The following CCDC178 variants were observed in gnomAD, a reference collection of about 807,000 sequenced individuals.
CCDC178 encodes the protein coiled-coil domain-containing protein 178.
In CCDC178, 126 loss-of-function variants were observed where a neutral mutation model predicts 117.4. That is an observed-to-expected ratio of 1.07 (90% CI 0.93 to 1.24). The LOEUF (loss-of-function observed/expected upper bound fraction) is 1.24. CCDC178 is among the 50% of genes most tolerant of loss of function. The pLI, the probability that CCDC178 is intolerant of heterozygous loss-of-function variation, is 0.00. For synonymous variants in CCDC178, 283 were observed against 313.4 expected, an observed-to-expected ratio of 0.90 and a Z score of 1.02; for missense variants, 1,030 against 986.9, an observed-to-expected ratio of 1.04 and a Z score of -0.59.
intron 14 of CCDC178, among the ~76,000 whole-genome samples, chr18:33,257,719 T>C (rs1470919319): frequency 6.6e-6 from 1 of 152,090 alleles, no homozygotes; most frequent in Non-Finnish European, 1.5e-5. Context: ...ATTACTTCTC[T>C]GCCTACACTC....
chr18:33,342,820 T>C (rs2062833539), intron 9 of CCDC178, among the ~76,000 whole-genome samples: 1 of 152,206 alleles, frequency 6.6e-6, no homozygotes, highest in African/African-American at 2.4e-5. Context: ...AGCACAATTG[T>C]AGTAATAACT....
chr18:33,185,771 GGGCTTTTTGTATGAA>G (rs1465399786), intron 20 of CCDC178, among the ~76,000 whole-genome samples: 1 of 151,916 alleles, frequency 6.6e-6, no homozygotes, highest in East Asian at 1.9e-4. Flanking sequence ...GAGAAAACCT[GGGCTTTTTGTATGAA>G]GGTTAAAGAA....
chr18:32,983,437 A>G (rs1400189327), intron 21 of CCDC178: 2 of 753,988 alleles, frequency 2.7e-6, no homozygotes, highest in East Asian at 2.7e-5. Flanking sequence ...TCAAACAAAT[A>G]GTACAACTGT....
At chr18:33,131,928 A>C (rs2058071966) in intron 20 of CCDC178, among the ~76,000 whole-genome samples, 1 of 151,388 alleles carries the variant, frequency 6.6e-6, no homozygotes, top group Non-Finnish European at 1.5e-5. Context: ...AAAATACTTC[A>C]CCTTTTCTTT....
chr18:33,073,535 C>CTATA (rs1459596199), intron 21 of CCDC178, among the ~76,000 whole-genome samples: 6 of 149,426 alleles, frequency 4.0e-5, no homozygotes, highest in African/African-American at 1.5e-4. Context: ...ATCTATCTAT[C>CTATA]TATCTATCTA....
At chr18:33,065,696 G>A (rs373406410) in intron 21 of CCDC178, among the ~76,000 whole-genome samples, 3 of 152,058 alleles carry the variant, frequency 2.0e-5, no homozygotes, top group African/African-American at 7.2e-5. Flanking sequence ...CAAGAGAAAA[G>A]CAGCAAGTTA....
Position 33,356,319 on chromosome 18 carries a change from CT to C in CCDC178, c.371+4del. 1 of 1,478,752 alleles carries C rather than the reference CT, an allele frequency of 6.8e-7. No homozygotes were observed. The highest frequency in any genetic ancestry group is 2.4e-5 in the East Asian group (1 of 40,824). The allele number at this position is 1,478,752 out of a possible 1,614,324, so 91.6% of individuals were successfully genotyped here. ...ATAGTTTTAAAAAGCATGAAATTTT[CT>C]TACCATTCTTCAAAAGAAGTTTCAA... On this transcript the variant is annotated splice_donor_region_variant and intron_variant, in intron 7 of 22. Transcript: ENST00000383096.
At chr18:33,354,645 C>G (rs1425848346) in intron 7 of CCDC178, among the ~76,000 whole-genome samples, 3 of 146,900 alleles carry the variant, frequency 2.0e-5, no homozygotes, top group Non-Finnish European at 4.5e-5. Flanking sequence ...GAGTCTCACT[C>G]TGTCGCCCAG....
intron 20 of CCDC178, among the ~76,000 whole-genome samples, chr18:33,121,377 A>G (rs897039427): frequency 2.0e-5 from 3 of 152,096 alleles, no homozygotes; most frequent in Non-Finnish European, 2.9e-5. Context: ...TGCCTTACAA[A>G]TTTCAGACTT....
intron 8 of CCDC178, 108 bp from the exon 9 acceptor site, chr18:33,346,519 G>T: frequency 2.2e-6 from 1 of 465,060 alleles, no homozygotes; most frequent in Non-Finnish European, 3.5e-6. Flanking sequence ...TATTTAATAA[G>T]AGAATGTTAG....
intron 5 of CCDC178, among the ~76,000 whole-genome samples, chr18:33,387,753 A>C (rs1451364009): frequency 1.3e-5 from 2 of 152,194 alleles, no homozygotes; most frequent in Non-Finnish European, 2.9e-5. Context: ...AAAACTATAA[A>C]AACTCTAGAA....
chr18:33,355,030 T>C (rs1365347843), intron 7 of CCDC178, among the ~76,000 whole-genome samples: 2 of 152,224 alleles, frequency 1.3e-5, no homozygotes, highest in African/African-American at 4.8e-5. Context: ...TCTTTGAAGA[T>C]ATTTAAGTCA....
intron 2 of CCDC178, among the ~76,000 whole-genome samples, chr18:33,437,213 A>C (rs2144990941): frequency 6.6e-6 from 1 of 152,296 alleles, no homozygotes; most frequent in Non-Finnish European, 1.5e-5. Context: ...GATAGTTTTT[A>C]CCTCAAGGAA....
chr18:32,982,743 T>C (rs2055178045), intron 21 of CCDC178, among the ~76,000 whole-genome samples: 1 of 152,114 alleles, frequency 6.6e-6, no homozygotes, highest in Admixed American at 6.5e-5. Context: ...TAAACAATCT[T>C]TATCAATACA....
chr18:33,369,047 C>A (rs2063260107), intron 6 of CCDC178, among the ~76,000 whole-genome samples: 1 of 151,746 alleles, frequency 6.6e-6, no homozygotes, highest in African/African-American at 2.4e-5. Context: ...TATTTCCTTG[C>A]CATAGTCTTC....
intron 20 of CCDC178, among the ~76,000 whole-genome samples, chr18:33,146,395 A>G (rs2058268159): frequency 6.6e-6 from 1 of 152,202 alleles, no homozygotes; most frequent in African/African-American, 2.4e-5. Flanking sequence ...TTCCTTGCAT[A>G]TTTTAAAACC....
At chr18:33,363,207 A>T in intron 6 of CCDC178, among the ~76,000 whole-genome samples, 1 of 152,032 alleles carries the variant, frequency 6.6e-6, no homozygotes, top group East Asian at 1.9e-4. Context: ...AAAGCAAAAG[A>T]ATATGGCTGG....
At position 33,160,974 on chromosome 18, in the gene CCDC178, C is replaced by G. The variant is rs2058454970; in HGVS notation, c.2238+50922G>C. Among the ~76,000 whole-genome samples the G allele has an allele frequency of 1.3e-5, 2 of 152,112 alleles. 1 individual carries two copies. The highest frequency in any genetic ancestry group is 4.2e-4 in the South Asian group (2 of 4,816). ...TAGGAAAGAGAATGGCAACAATGTC[C>G]CCAAAATATGTAACTTTGGAAAATC... On this transcript the variant is annotated intron_variant, in intron 20 of 22. Transcript: ENST00000383096.
chr18:33,281,078 T>G (rs552120167), intron 12 of CCDC178, among the ~76,000 whole-genome samples: 3 of 139,382 alleles, frequency 2.2e-5, no homozygotes, highest in Non-Finnish European at 4.6e-5. Flanking sequence ...ATTGTGCACA[T>G]GTACCTTAAA....
Sources: allele counts gnomAD v4.1 joint callset (sites outside exome capture counted in the v4.1 genomes callset), GRCh38; gene constraint gnomAD v4.1.1; transcripts MANE v1.5; gene names NCBI Gene and HGNC (gene_info 2026-07-23, HGNC 2026-07-21).